The following SYT1 variants were observed in gnomAD, a reference collection of about 807,000 sequenced individuals.
SYT1 encodes the protein synaptotagmin 1.
A neutral mutation model predicts 44.8 loss-of-function variants in SYT1; 8 were observed. The observed-to-expected ratio is 0.18, with a 90% confidence interval of 0.10 to 0.32. SYT1 has a LOEUF of 0.32. Among genes scored for constraint, SYT1 ranks in the 10% least tolerant of loss-of-function variants. SYT1 has a pLI of 1.00. For synonymous variants in SYT1, 154 were observed against 188.8 expected (o/e 0.82, Z 1.51); for missense variants, 286 against 509.3 (o/e 0.56, Z 4.22).
intron 4 of SYT1, among the ~76,000 whole-genome samples, chr12:79,264,892 T>C (rs1014505413): frequency 2.0e-5 from 3 of 152,194 alleles, no homozygotes; most frequent in Non-Finnish European, 4.4e-5. Flanking sequence ...TACTACCAAA[T>C]GTCTTGCCTT....
intron 6 of SYT1, among the ~76,000 whole-genome samples, chr12:79,295,709 C>T (rs6539373): frequency 0.35 from 52,481 of 152,102 alleles, 9,406 homozygotes; most frequent in East Asian, 0.59. Context: ...TTTTCACTTA[C>T]AAATCATGCT....
At chr12:79,232,419 A>G (rs1468056133) in intron 4 of SYT1, among the ~76,000 whole-genome samples, 1 of 152,126 alleles carries the variant, frequency 6.6e-6, no homozygotes, top group African/African-American at 2.4e-5. Flanking sequence ...GCCCTCACAC[A>G]GTTTGCTCCA....
At chr12:79,312,305 C>G (rs1488334662) in intron 8 of SYT1, among the ~76,000 whole-genome samples, 1 of 152,102 alleles carries the variant, frequency 6.6e-6, no homozygotes, top group Non-Finnish European at 1.5e-5. Flanking sequence ...TTGTCAGGGC[C>G]TGTATTAGGT....
At chr12:78,892,124 C>A (rs138676505) in intron 1 of SYT1, among the ~76,000 whole-genome samples, 4 of 151,776 alleles carry the variant, frequency 2.6e-5, no homozygotes, top group Non-Finnish European at 5.9e-5. Context: ...AACTATAGAT[C>A]TGGCAAGTCC....
intron 9 of SYT1, among the ~76,000 whole-genome samples, chr12:79,355,520 A>C (rs528792648): frequency 2.0e-5 from 3 of 152,184 alleles, no homozygotes; most frequent in Admixed American, 2.0e-4. Flanking sequence ...ATATCCTGAA[A>C]AGCCCTAATT....
intron 8 of SYT1, among the ~76,000 whole-genome samples, chr12:79,306,885 C>T (rs1444602142): frequency 1.3e-5 from 2 of 152,124 alleles, no homozygotes; most frequent in Admixed American, 6.5e-5. Context: ...GCCTTGTTTA[C>T]ATCTGGTTTT....
At chr12:79,206,763 C>G (rs532921311) in intron 3 of SYT1, among the ~76,000 whole-genome samples, 2 of 152,206 alleles carry the variant, frequency 1.3e-5, no homozygotes, top group Admixed American at 6.5e-5. Flanking sequence ...ACTAGTGACT[C>G]CACACAGTAG....
rs115970878 is a variant in SYT1 at position 79,169,513 on chromosome 12, T to A, written c.-17-47990T>A. The stretch of plus-strand genomic sequence containing the variant: ...TCTAGAGAAGGCCTATGACATGTAG[T>A]GAGGCAAACAACATTTTAAAAACTC... On this transcript the variant is annotated intron_variant, in intron 3 of 10. Coordinates refer to ENST00000261205, the MANE Select transcript of SYT1 (RefSeq NM_005639.3). Among the ~76,000 whole-genome samples the A allele has an allele frequency of 7.1e-3, 1,083 of 152,070 alleles. 12 individuals are homozygous for A. The highest frequency in any genetic ancestry group is 0.024 in the African/African-American group (1,011 of 41,538).
At chr12:79,265,783 A>T (rs1878093193) in intron 4 of SYT1, among the ~76,000 whole-genome samples, 1 of 152,196 alleles carries the variant, frequency 6.6e-6, no homozygotes. Context: ...AGTGAAAAAA[A>T]CTATAAATGA....
intron 1 of SYT1, among the ~76,000 whole-genome samples, chr12:78,882,144 A>G (rs150471187): frequency 7.2e-5 from 11 of 151,976 alleles, no homozygotes; most frequent in Non-Finnish European, 1.2e-4. Context: ...CCTGACACAT[A>G]GTAGATGTTC....
At chr12:78,874,675 T>C (rs1873975480) in intron 1 of SYT1, among the ~76,000 whole-genome samples, 1 of 151,620 alleles carries the variant, frequency 6.6e-6, no homozygotes, top group African/African-American at 2.4e-5. Flanking sequence ...ATTTTGGTGC[T>C]CATGTGACCA....
At chr12:79,066,819 C>T (rs1875898768) in intron 3 of SYT1, among the ~76,000 whole-genome samples, 1 of 152,050 alleles carries the variant, frequency 6.6e-6, no homozygotes, top group African/African-American at 2.4e-5. Flanking sequence ...AGTTGGTTCC[C>T]CTTGCATAAT....
intron 2 of SYT1, among the ~76,000 whole-genome samples, chr12:79,021,991 C>T (rs1441948568): frequency 6.6e-6 from 1 of 151,162 alleles, no homozygotes; most frequent in African/African-American, 2.4e-5. Context: ...ACTTTTTTCC[C>T]ACTGAGGACA....
chr12:78,918,649 C>T (rs1238290759), intron 1 of SYT1, among the ~76,000 whole-genome samples: 3 of 151,968 alleles, frequency 2.0e-5, no homozygotes, highest in Non-Finnish European at 2.9e-5. Flanking sequence ...CAGAGCAGCA[C>T]CCAGAAAAAA....
chr12:78,987,792 G>A (rs1285428589), intron 2 of SYT1, among the ~76,000 whole-genome samples: 2 of 152,006 alleles, frequency 1.3e-5, no homozygotes, highest in African/African-American at 2.4e-5. Flanking sequence ...AATCTCTTCC[G>A]GAAGATAGAA....
intron 8 of SYT1, among the ~76,000 whole-genome samples, chr12:79,327,915 A>G (rs1459522917): frequency 2.0e-5 from 3 of 152,220 alleles, no homozygotes; most frequent in African/African-American, 7.2e-5. Context: ...CTAGTACTGT[A>G]CATGTGAGAG....
chr12:79,325,272 C>T (rs887636212), intron 8 of SYT1, among the ~76,000 whole-genome samples: 2 of 152,128 alleles, frequency 1.3e-5, no homozygotes, highest in African/African-American at 4.8e-5. Context: ...AATGAGAGTT[C>T]CTGGTATTTA....
At chr12:79,105,841 C>T (rs1218704818) in intron 3 of SYT1, among the ~76,000 whole-genome samples, 2 of 151,340 alleles carry the variant, frequency 1.3e-5, no homozygotes, top group Non-Finnish European at 2.9e-5. Flanking sequence ...GATTGCGCCA[C>T]TGCACTCCAG....
intron 2 of SYT1, among the ~76,000 whole-genome samples, chr12:79,029,792 TA>T (rs1872731398): frequency 6.6e-6 from 1 of 151,116 alleles, no homozygotes; most frequent in South Asian, 2.1e-4. Flanking sequence ...ATTATAAAGA[TA>T]ATGATTTTCT....
Sources: gnomAD v4.1 joint callset for allele counts (sites outside exome capture counted in the v4.1 genomes callset) on GRCh38, gnomAD v4.1.1 for gene constraint, MANE v1.5 for transcripts, NCBI Gene and HGNC (gene_info 2026-07-23, HGNC 2026-07-21) for gene names.